Variants in DLGAP1 observed in about 807,000 individuals in gnomAD.
DLGAP1 encodes DLG associated protein 1.
Under a neutral mutation model 90.8 loss-of-function variants are expected in DLGAP1, and 11 were observed. The ratio of observed to expected loss-of-function variants is 0.12; its 90% CI spans 0.08 to 0.20. The LOEUF is 0.20. DLGAP1 is among the 10% of genes least tolerant of loss of function. The pLI is 1.00. For synonymous variants in DLGAP1, 558 were observed against 540.7 expected, an observed-to-expected ratio of 1.03 and a Z score of -0.44; for missense variants, 1,050 against 1,333.8, an observed-to-expected ratio of 0.79 and a Z score of 3.31.
At chr18:3,893,255 G>A (rs2071523449) in intron 3 of DLGAP1, among the ~76,000 whole-genome samples, 1 of 152,050 alleles carries the variant, frequency 6.6e-6, no homozygotes, top group African/African-American at 2.4e-5. Context: ...TAAGCAGTAT[G>A]CCATGGTGTA....
chr18:4,287,635 T>C (rs187544991), intron 1 of DLGAP1, among the ~76,000 whole-genome samples: 5 of 151,430 alleles, frequency 3.3e-5, no homozygotes, highest in South Asian at 4.2e-4. Flanking sequence ...TAAGTGGGAG[T>C]TGAACAATGA....
intron 7 of DLGAP1, among the ~76,000 whole-genome samples, chr18:3,688,654 CA>C (rs1460848169): frequency 6.9e-5 from 9 of 130,542 alleles, no homozygotes; most frequent in African/African-American, 1.1e-4. Context: ...CACACACACA[CA>C]CACACACACA....
intron 7 of DLGAP1, among the ~76,000 whole-genome samples, chr18:3,673,845 CT>C (rs201510471): frequency 0.024 from 3,409 of 142,098 alleles, 134 homozygotes; most frequent in African/African-American, 0.083. Context: ...TGTACCCAGC[CT>C]TTTTTTTTTC....
chr18:4,188,856 G>A (rs1214563074), intron 1 of DLGAP1, among the ~76,000 whole-genome samples: 8 of 152,072 alleles, frequency 5.3e-5, no homozygotes, highest in Admixed American at 6.6e-5. Flanking sequence ...CATGCAAAGC[G>A]TCACATAAAG....
At chr18:3,643,361 C>A (rs1214241571) in intron 7 of DLGAP1, among the ~76,000 whole-genome samples, 1 of 151,936 alleles carries the variant, frequency 6.6e-6, no homozygotes, top group African/African-American at 2.4e-5. Context: ...GACTAACAGT[C>A]ATCTAAAAAA....
intron 1 of DLGAP1, among the ~76,000 whole-genome samples, chr18:4,260,436 G>A (rs1268692340): frequency 1.3e-5 from 2 of 152,086 alleles, no homozygotes; most frequent in Non-Finnish European, 2.9e-5. Context: ...TTTAATATAA[G>A]CATTTACAAG....
At chr18:3,968,696 A>C (rs577910876) in intron 3 of DLGAP1, among the ~76,000 whole-genome samples, 109 of 152,338 alleles carry the variant, frequency 7.2e-4, no homozygotes, top group Non-Finnish European at 1.3e-3. Flanking sequence ...TATTATTTAG[A>C]ACAAGTGGAG....
rs769561877 is a variant in DLGAP1 at position 3,580,865 on chromosome 18, C to T, written c.1965+1010G>A. ...GCTCTGCCCCCGGGGTGAGTGTGGCCGGTTGTACCCTGCAGTAGCGTCTGC... is the reference window on the plus strand; with the variant it reads ...GCTCTGCCCCCGGGGTGAGTGTGGCTGGTTGTACCCTGCAGTAGCGTCTGC... On this transcript the variant is annotated intron_variant, in intron 8 of 12. Transcript: ENST00000315677. 1.7e-3 allele frequency: 1,915 copies of T among 1,107,586 alleles called. 3 individuals are homozygous for T. The highest frequency in any genetic ancestry group is 2.4e-3 in the Non-Finnish European group (1,798 of 753,230). The allele number at this position is 1,107,586 out of a possible 1,614,324, so 68.6% of individuals were successfully genotyped here. A position where few individuals can be genotyped will look rare whatever the true frequency, so the allele number is the denominator to read the frequency against.
intron 3 of DLGAP1, among the ~76,000 whole-genome samples, chr18:3,935,712 T>G (rs1379151037): frequency 6.6e-6 from 1 of 152,220 alleles, no homozygotes; most frequent in Admixed American, 6.5e-5. Flanking sequence ...AGTGGAACTG[T>G]GTTTACATAG....
At chr18:3,899,484 C>A (rs1049008873) in intron 3 of DLGAP1, among the ~76,000 whole-genome samples, 23 of 152,196 alleles carry the variant, frequency 1.5e-4, no homozygotes, top group African/African-American at 5.5e-4. Context: ...AAGGATGTTG[C>A]TTGCAGGAAA....
chr18:4,397,555 A>AT (rs545118347), intron 1 of DLGAP1, among the ~76,000 whole-genome samples: 5 of 152,042 alleles, frequency 3.3e-5, no homozygotes, highest in African/African-American at 7.2e-5. Flanking sequence ...GTCCTCAAAT[A>AT]TTTTTTTCCT....
At chr18:3,668,246 C>T (rs949166135) in intron 7 of DLGAP1, among the ~76,000 whole-genome samples, 81 of 152,278 alleles carry the variant, frequency 5.3e-4, no homozygotes, top group African/African-American at 1.9e-3. Flanking sequence ...TTTTCTTTTG[C>T]AGCCCCCAAA....
intron 3 of DLGAP1, among the ~76,000 whole-genome samples, chr18:3,968,116 TG>T (rs1441678253): frequency 1.3e-4 from 20 of 152,230 alleles, no homozygotes; most frequent in Admixed American, 7.2e-4. Flanking sequence ...TTTCTGCTTT[TG>T]ATCATGTTTA....
At chr18:4,150,809 C>G (rs1831274824) in intron 2 of DLGAP1, among the ~76,000 whole-genome samples, 1 of 152,224 alleles carries the variant, frequency 6.6e-6, no homozygotes, top group Admixed American at 6.5e-5. Flanking sequence ...GTTCAATATG[C>G]TAAGAAAAGC....
intron 1 of DLGAP1, among the ~76,000 whole-genome samples, chr18:4,337,707 C>T (rs575037506): frequency 6.6e-6 from 1 of 152,186 alleles, no homozygotes; most frequent in South Asian, 2.1e-4. Context: ...TACATAGATA[C>T]ATATATAAAG....
At chr18:4,284,702 G>A (rs1405082820) in intron 1 of DLGAP1, among the ~76,000 whole-genome samples, 1 of 152,174 alleles carries the variant, frequency 6.6e-6, no homozygotes, top group Non-Finnish European at 1.5e-5. Flanking sequence ...TCAGACCCAT[G>A]GCCTTCTGGA....
chr18:4,005,213 A>G lies in DLGAP1; in HGVS notation c.-158-12T>C, dbSNP rs1002970468. On this transcript the variant is annotated splice_polypyrimidine_tract_variant and intron_variant, in intron 2 of 12. Transcript: ENST00000315677. ...AGAAGAGATTTAGCCTGTTGGGAGC[A>G]TAATGCATGTTTTAGTCTCCTGGTC... 6.6e-6 allele frequency: 1 copy of G among 152,166 alleles called. No homozygotes were observed. The highest frequency in any genetic ancestry group is 2.4e-5 in the African/African-American group (1 of 41,440). The allele number at this position is 152,166 out of a possible 1,614,324, so 9.4% of individuals were successfully genotyped here.
chr18:4,341,572 A>G (rs4461170), intron 1 of DLGAP1, among the ~76,000 whole-genome samples: 1 of 152,178 alleles, frequency 6.6e-6, no homozygotes, highest in Non-Finnish European at 1.5e-5. Context: ...ACCCTGGGGT[A>G]CACTAAGAGT....
chr18:4,226,876 T>C (rs1287448947), intron 1 of DLGAP1, among the ~76,000 whole-genome samples: 1 of 151,860 alleles, frequency 6.6e-6, no homozygotes, highest in Non-Finnish European at 1.5e-5. Context: ...TACCATTGAA[T>C]GTAAATGGAC....
Sources: gnomAD v4.1 joint callset for allele counts (sites outside exome capture counted in the v4.1 genomes callset) on GRCh38, gnomAD v4.1.1 for gene constraint, MANE v1.5 for transcripts, NCBI Gene and HGNC (gene_info 2026-07-23, HGNC 2026-07-21) for gene names.